ABCA13: variants seen among roughly 807,000 people sequenced by gnomAD.
ABCA13 encodes ATP binding cassette subfamily A member 13.
A neutral mutation model predicts 478.7 loss-of-function variants in ABCA13; 476 were observed. The observed-to-expected ratio is 0.99, with a 90% CI of 0.92 to 1.07. ABCA13 has a LOEUF of 1.07. Among genes scored for constraint, ABCA13 ranks in the 50% least tolerant of loss-of-function variants. The probability of loss-of-function intolerance (pLI) is 0.00; values close to 1 mark genes in which losing one functional copy is unlikely to be tolerated. For missense variants in ABCA13, 6,060 were observed against 5,910.6 expected (o/e 1.03, Z -0.83); for synonymous variants, 2,252 against 2,158.9 (o/e 1.04, Z -1.20).
rs767565751 is a variant in ABCA13 at position 48,511,102 on chromosome 7, G to T, written c.13543G>T (p.Val4515Phe). Reference sequence around the variant, plus strand: ...TTCTCAGCTCTTTTACTTGGTTTCCGTCTGCCTGTGTGTTGCCGTTATTGT... The same window carrying T: ...TTCTCAGCTCTTTTACTTGGTTTCCTTCTGCCTGTGTGTTGCCGTTATTGT... ...LYDMLFYLVSVCLCVAVIVAF... is the reference protein window; with the variant it reads ...LYDMLFYLVSFCLCVAVIVAF... The change falls in exon 51 of 62, where the codon GTC (valine) becomes TTC (phenylalanine). Residue 4515 changes from valine to phenylalanine, a missense_variant. By Grantham distance (50) the Val-to-Phe change is conservative. Coordinates refer to ENST00000435803, the MANE Select transcript of ABCA13 (RefSeq NM_152701.5). The T allele has an allele frequency of 6.2e-7, 1 of 1,613,390 alleles. No individual in the cohort carries two copies. Among genetic ancestry groups the T allele is most frequent in the East Asian group, 2.2e-5 (1 of 44,830 alleles).
intron 55 of ABCA13, among the ~76,000 whole-genome samples, chr7:48,572,461 G>A (rs1483692636): frequency 2.0e-5 from 3 of 151,954 alleles, no homozygotes; most frequent in Non-Finnish European, 4.4e-5. Flanking sequence ...GGGACTACAT[G>A]CCCAGCTATT....
At chr7:48,231,744 C>A (rs567830170) in intron 7 of ABCA13, among the ~76,000 whole-genome samples, 1 of 152,252 alleles carries the variant, frequency 6.6e-6, no homozygotes, top group African/African-American at 2.4e-5. Context: ...TCATTGCAAC[C>A]TCTGCCTCCT....
At chr7:48,631,258 C>T (rs189233955) in intron 59 of ABCA13, among the ~76,000 whole-genome samples, 1 of 152,078 alleles carries the variant, frequency 6.6e-6, no homozygotes, top group East Asian at 1.9e-4. Flanking sequence ...ATGATATTTC[C>T]TAGATTTTCT....
intron 32 of ABCA13, among the ~76,000 whole-genome samples, chr7:48,371,484 A>G (rs1812626494): frequency 6.6e-6 from 1 of 152,110 alleles, no homozygotes; most frequent in African/African-American, 2.4e-5. Context: ...TTCTCCTTGT[A>G]GAGGTCCTTC....
At chr7:48,378,907 G>A (rs1370979398) in intron 35 of ABCA13, among the ~76,000 whole-genome samples, 2 of 152,170 alleles carry the variant, frequency 1.3e-5, no homozygotes, top group African/African-American at 2.4e-5. Context: ...GGAAGCAAAT[G>A]CAGTAGGACC....
chr7:48,231,782 CA>C (rs1789126620), intron 7 of ABCA13, among the ~76,000 whole-genome samples: 1 of 152,146 alleles, frequency 6.6e-6, no homozygotes, highest in Non-Finnish European at 1.5e-5. Context: ...CTGCCTCAGC[CA>C]ACCAAATAGC....
chr7:48,483,990 T>C (rs1829042000), intron 47 of ABCA13, among the ~76,000 whole-genome samples: 1 of 152,206 alleles, frequency 6.6e-6, no homozygotes, highest in Admixed American at 6.5e-5. Flanking sequence ...ATGTTGTGTC[T>C]ACTCATGAGC....
chr7:48,317,016 A>G, intron 26 of ABCA13, 141 bp from the exon 27 acceptor site: 5 of 964,232 alleles, frequency 5.2e-6, no homozygotes, highest in Non-Finnish European at 7.5e-6. Flanking sequence ...AAACTATAGC[A>G]CTCCCAAAGT....
chr7:48,414,161 T>C (rs1419332714), intron 41 of ABCA13, among the ~76,000 whole-genome samples: 1 of 152,176 alleles, frequency 6.6e-6, no homozygotes, highest in Non-Finnish European at 1.5e-5. Flanking sequence ...CACTACATCT[T>C]TTCTTGTCTG....
chr7:48,494,439 T>A (rs936258271), intron 48 of ABCA13, among the ~76,000 whole-genome samples: 1 of 152,036 alleles, frequency 6.6e-6, no homozygotes, highest in African/African-American at 2.4e-5. Context: ...ATTTGAGATA[T>A]TTGAGAGAGA....
At chr7:48,217,155 C>A (rs1316195017) in intron 3 of ABCA13, among the ~76,000 whole-genome samples, 1 of 152,154 alleles carries the variant, frequency 6.6e-6, no homozygotes, top group Non-Finnish European at 1.5e-5. Context: ...TTTACTGTAG[C>A]ACAATTCACA....
At chr7:48,529,365 G>A (rs557898872) in intron 55 of ABCA13, among the ~76,000 whole-genome samples, 2 of 152,110 alleles carry the variant, frequency 1.3e-5, no homozygotes, top group South Asian at 2.1e-4. Context: ...GGATGTCCTC[G>A]TATCCCATTC....
chr7:48,499,864 T>G (rs892720377), intron 48 of ABCA13, among the ~76,000 whole-genome samples: 11 of 152,164 alleles, frequency 7.2e-5, no homozygotes, highest in African/African-American at 2.7e-4. Context: ...CACAATACAA[T>G]TGTTACCTAC....
chr7:48,323,281 C>T (rs1007231553), intron 27 of ABCA13, among the ~76,000 whole-genome samples: 3 of 152,152 alleles, frequency 2.0e-5, no homozygotes, highest in Admixed American at 1.3e-4. Context: ...TCCCCAGTGC[C>T]TAGAAGAATG....
chr7:48,595,014 A>G (rs1008215770), intron 58 of ABCA13, among the ~76,000 whole-genome samples: 6 of 152,234 alleles, frequency 3.9e-5, no homozygotes, highest in African/African-American at 7.2e-5. Context: ...CCAAGTTTAC[A>G]TAGCAAATAG....
intron 31 of ABCA13, among the ~76,000 whole-genome samples, chr7:48,355,884 C>T (rs951033888): frequency 2.0e-5 from 3 of 151,920 alleles, no homozygotes; most frequent in Non-Finnish European, 4.4e-5. Context: ...GTCTAGTAGG[C>T]AGATTTGTTC....
intron 41 of ABCA13, among the ~76,000 whole-genome samples, chr7:48,425,664 C>T (rs1371270892): frequency 6.6e-6 from 1 of 152,320 alleles, no homozygotes. Flanking sequence ...ATGCTACATG[C>T]CAGGCATCGT....
intron 47 of ABCA13, 103 bp from the exon 48 acceptor site, chr7:48,489,133 T>C: frequency 1.1e-6 from 1 of 922,666 alleles, no homozygotes. Context: ...TCAGGTGCCT[T>C]GGAAGTTAAT....
rs567600025 is a variant in ABCA13 at position 48,554,119 on chromosome 7, A to G, written c.14354+25774A>G. 3.3e-5 allele frequency among the ~76,000 whole-genome samples: 5 copies of G among 152,200 alleles called. No individual in the cohort carries two copies. In the South Asian group the frequency reaches 1.0e-3, roughly 32 times the overall value. On this transcript the variant is annotated intron_variant, in intron 55 of 61. Coordinates refer to ENST00000435803, the MANE Select transcript of ABCA13 (RefSeq NM_152701.5). ...ATGTATGTTCTTGACACCTTTGTCA[A>G]AAATGAATTTCCTATGGGTGTATGG...
Sources: allele counts gnomAD v4.1 joint callset (sites outside exome capture counted in the v4.1 genomes callset), GRCh38; gene constraint gnomAD v4.1.1; transcripts MANE v1.5; gene names NCBI Gene and HGNC (gene_info 2026-07-23, HGNC 2026-07-21).